Variants in PBRM1 observed in about 807,000 individuals in gnomAD.
PBRM1 encodes protein polybromo-1.
PBRM1 carries 27 observed loss-of-function variants against 194.5 expected under a neutral mutation model. The ratio of observed to expected loss-of-function variants is 0.14; its 90% CI spans 0.10 to 0.19. PBRM1 has a LOEUF of 0.19. Ranked by LOEUF, PBRM1 falls within the 10% of genes least tolerant of loss-of-function variation. PBRM1 has a pLI of 1.00. For synonymous variants in PBRM1, 655 were observed against 693.2 expected (o/e 0.94, Z 0.87); for missense variants, 1,466 against 2,077.2 (o/e 0.71, Z 5.72).
At chr3:52,611,234 C>T (rs1560349259) in intron 15 of PBRM1, among the ~76,000 whole-genome samples, 1 of 152,130 alleles carries the variant, frequency 6.6e-6, no homozygotes, top group East Asian at 1.9e-4. Flanking sequence ...TTAGATAAGG[C>T]AAAGTTTCTC....
At chr3:52,668,760 T>G in intron 2 of PBRM1, 115 bp from the exon 4 acceptor site, 1 of 439,526 alleles carries the variant, frequency 2.3e-6, no homozygotes, top group Non-Finnish European at 3.8e-6. Context: ...TATTAGAATC[T>G]TTCATGGACT....
intron 22 of PBRM1, among the ~76,000 whole-genome samples, chr3:52,571,964 G>A (rs75713246): frequency 0.072 from 10,915 of 151,110 alleles, 946 homozygotes; most frequent in African/African-American, 0.21. Flanking sequence ...CTTGCGCCCA[G>A]GAGTTGGAGG....
At chr3:52,563,291 G>C (rs1404713077) in exon 24 of PBRM1, 1 of 1,613,068 alleles carries the variant, frequency 6.2e-7, no homozygotes, top group Non-Finnish European at 8.5e-7. Flanking sequence ...ACCTGTGGGG[G>C]TGTGTAGGGC....
At chr3:52,578,567 G>A (rs2090292729) in intron 21 of PBRM1, among the ~76,000 whole-genome samples, 1 of 152,072 alleles carries the variant, frequency 6.6e-6, no homozygotes, top group African/African-American at 2.4e-5. Context: ...TCATCCTTTT[G>A]TCATTTACTT....
intron 13 of PBRM1, among the ~76,000 whole-genome samples, chr3:52,623,400 A>G (rs925561337): frequency 1.3e-5 from 2 of 152,240 alleles, no homozygotes; most frequent in African/African-American, 4.8e-5. Context: ...CCACCTTAAG[A>G]GCTTCAGTTG....
At chr3:52,632,154 A>G (rs886082708) in intron 11 of PBRM1, among the ~76,000 whole-genome samples, 2 of 152,150 alleles carry the variant, frequency 1.3e-5, no homozygotes, top group African/African-American at 2.4e-5. Context: ...CTAGGTCAGG[A>G]TCTATTTAAA....
chr3:52,670,031 C>G (rs957747717), intron 2 of PBRM1, among the ~76,000 whole-genome samples: 1 of 149,116 alleles, frequency 6.7e-6, no homozygotes, highest in African/African-American at 2.4e-5. Flanking sequence ...AACTTAATAT[C>G]CAAGATGGTC....
chr3:52,609,418 G>A lies in PBRM1; in HGVS notation c.2462C>T (p.Thr821Ile), dbSNP rs771658417. 92 of 1,613,590 alleles carry A rather than the reference G, an allele frequency of 5.7e-5. 1 individual carries two copies. The highest frequency in any genetic ancestry group is 7.0e-5 in the Non-Finnish European group (82 of 1,179,616). ...AACATTCTTCCTAATTATGTCAAATGTAAGGGGTGGTTTGTTAGGAAAGTT... is the reference window on the plus strand; with the variant it reads ...AACATTCTTCCTAATTATGTCAAATATAAGGGGTGGTTTGTTAGGAAAGTT... Residue 821 changes from threonine to isoleucine, a missense_variant, in exon 16 of 30, where the codon ACA (threonine) becomes ATA (isoleucine). Transcript: ENST00000296302. This position sits in a 1 kb window ranked among gnomAD's most constrained non-coding sequence, Gnocchi z 4.1.
intron 11 of PBRM1, among the ~76,000 whole-genome samples, chr3:52,629,555 T>G (rs1000547881): frequency 3.9e-5 from 6 of 152,212 alleles, no homozygotes; most frequent in Non-Finnish European, 7.3e-5. Flanking sequence ...AAAAGAGAGA[T>G]AGATATGTCA....
In PBRM1 at chr3:52,636,757, C is replaced by CAAAAAAAAAAAAAA. The variant is rs567776784; in HGVS notation, c.1088-1956_1088-1943dup. On this transcript the variant is annotated intron_variant, in intron 10 of 29. Transcript: ENST00000296302. Reference sequence around the variant, plus strand: ...GGGCAAAAGAGTGAAACTCTGTCTCCAAAAAAAAAAAAAAAAAAAAAAAAA... The same window carrying CAAAAAAAAAAAAAA: ...GGGCAAAAGAGTGAAACTCTGTCTCCAAAAAAAAAAAAAAAAAAAAAAAAAAAAAAAAAAAAAAA... Among the ~76,000 whole-genome samples, 88 of 18,680 alleles carry CAAAAAAAAAAAAAA rather than the reference C, an allele frequency of 4.7e-3. 6 individuals carry two copies. The highest frequency in any genetic ancestry group is 7.7e-3 in the Non-Finnish European group (75 of 9,746). 12.3% of individuals were successfully genotyped at this position (18,680 alleles called of 152,430 possible). A position where few individuals can be genotyped will look rare whatever the true frequency, so the allele number is the denominator to read the frequency against.
At chr3:52,563,564 C>T (rs2084238227) in intron 23 of PBRM1, 71 bp from the exon 26 acceptor site, 2 of 1,070,980 alleles carry the variant, frequency 1.9e-6, no homozygotes, top group East Asian at 4.7e-5. Flanking sequence ...AGCAGTGTTC[C>T]ACCTTAACAA....
chr3:52,584,353 C>A (rs192395546), intron 20 of PBRM1, among the ~76,000 whole-genome samples: 1 of 149,802 alleles, frequency 6.7e-6, no homozygotes, highest in African/African-American at 2.5e-5. Flanking sequence ...GAAGACTATT[C>A]ATTTACATAT....
intron 20 of PBRM1, among the ~76,000 whole-genome samples, chr3:52,580,887 T>G: frequency 7.4e-6 from 1 of 135,034 alleles, no homozygotes. Flanking sequence ...CAGACATCAT[T>G]ATTACTGTTG....
intron 16 of PBRM1, among the ~76,000 whole-genome samples, chr3:52,604,935 C>A (rs1040255366): frequency 2.7e-5 from 4 of 148,332 alleles, no homozygotes; most frequent in Non-Finnish European, 4.4e-5. Flanking sequence ...GTCTGGGCAA[C>A]AGAGTGAGTG....
chr3:52,679,583 A>G (rs1296450812), exon 1 of PBRM1: 2 of 1,613,230 alleles, frequency 1.2e-6, no homozygotes, highest in Admixed American at 1.7e-5. Flanking sequence ...CAGGATCTAC[A>G]GTTGGAAGAT....
intron 22 of PBRM1, among the ~76,000 whole-genome samples, chr3:52,564,703 T>C: frequency 6.6e-6 from 1 of 151,696 alleles, no homozygotes; most frequent in African/African-American, 2.4e-5. Context: ...GGATAGAATA[T>C]ATAGGTCAAT....
chr3:52,651,107 A>G (rs540249861), intron 6 of PBRM1, among the ~76,000 whole-genome samples: 1 of 152,328 alleles, frequency 6.6e-6, no homozygotes, highest in East Asian at 1.9e-4. Flanking sequence ...GGGAATAATA[A>G]CAATACTACT....
intron 2 of PBRM1, among the ~76,000 whole-genome samples, chr3:52,670,860 C>T (rs1302378429): frequency 1.3e-5 from 2 of 152,166 alleles, no homozygotes; most frequent in Admixed American, 6.5e-5. Context: ...GGTAAAACCT[C>T]GTCTCTAAGG....
chr3:52,668,443 A>T (rs1300597678), intron 3 of PBRM1, 55 bp downstream of exon 4: 1 of 1,303,874 alleles, frequency 7.7e-7, no homozygotes, highest in African/African-American at 1.5e-5. Context: ...TAAGAAGCCA[A>T]TTATCAAATT....
Sources: allele counts gnomAD v4.1 joint callset (sites outside exome capture counted in the v4.1 genomes callset), GRCh38; gene constraint gnomAD v4.1.1; non-coding constraint Gnocchi (gnomAD v3.1); transcripts MANE v1.5; gene names NCBI Gene and HGNC (gene_info 2026-07-23, HGNC 2026-07-21).